The following NTM variants were observed in gnomAD, a reference collection of about 807,000 sequenced individuals.
The protein encoded by NTM is IgLON family member 2.
A neutral mutation model predicts 42.1 loss-of-function variants in NTM; 13 were observed. The observed-to-expected ratio is 0.31, with a 90% CI of 0.20 to 0.49. NTM has a LOEUF of 0.49. NTM is among the 20% of genes least tolerant of loss of function. The pLI, the probability that NTM is intolerant of heterozygous loss-of-function variation, is 0.99. For synonymous variants in NTM, 187 were observed against 179.2 expected, an observed-to-expected ratio of 1.04 and a Z score of -0.35; for missense variants, 373 against 452.8, an observed-to-expected ratio of 0.82 and a Z score of 1.60.
chr11:131,755,126 A>T (rs965446894), intron 1 of NTM, among the ~76,000 whole-genome samples: 1 of 152,206 alleles, frequency 6.6e-6, no homozygotes, highest in African/African-American at 2.4e-5. Context: ...GGTTACACAG[A>T]TGTAATATTC....
chr11:131,466,036 G>A (rs182563947), intron 1 of NTM, among the ~76,000 whole-genome samples: 19 of 152,222 alleles, frequency 1.2e-4, no homozygotes, highest in Admixed American at 9.2e-4. Flanking sequence ...TGTCTATGAG[G>A]AACCTACAAG....
At position 132,246,305 on chromosome 11, in the gene NTM, A is replaced by G. The variant is rs536013146; in HGVS notation, c.526+34158A>G. Among the ~76,000 whole-genome samples, 22 of 152,362 alleles carry G rather than the reference A, an allele frequency of 1.4e-4. No homozygotes were observed. The East Asian group carries it at 4.2e-3, about 29-fold the overall frequency. ...CGTGCGTGTGTGTCTCCACCGACAC[A>G]ATCGCACAGTGAAAGTCAAACAGTT... is the stretch of plus-strand genomic sequence containing the variant. On this transcript the variant is annotated intron_variant, in intron 4 of 8. Coordinates refer to ENST00000683400, the MANE Select transcript of NTM (RefSeq NM_001352005.2).
chr11:131,371,182 C>A, intron 1 of NTM: 1 of 774,156 alleles, frequency 1.3e-6, no homozygotes, highest in Non-Finnish European at 1.6e-6. Context: ...CATTCTTGCA[C>A]ACATACACAA....
chr11:131,410,517 C>CAAAAAAAAAA (rs1161389222), intron 1 of NTM, among the ~76,000 whole-genome samples: 8 of 32,764 alleles, frequency 2.4e-4, no homozygotes, highest in Admixed American at 4.6e-4. Context: ...AAACAATAAC[C>CAAAAAAAAAA]AAAAAAAAAA....
chr11:131,866,045 TACAC>T (rs757581864), intron 1 of NTM, among the ~76,000 whole-genome samples: 1 of 143,404 alleles, frequency 7.0e-6, no homozygotes, highest in African/African-American at 2.6e-5. Flanking sequence ...ACACACATGC[TACAC>T]ACACACTACA....
At chr11:132,110,049 G>C (rs1156444300) in intron 2 of NTM, among the ~76,000 whole-genome samples, 3 of 152,104 alleles carry the variant, frequency 2.0e-5, no homozygotes, top group African/African-American at 7.2e-5. Context: ...CCTTTCACTT[G>C]GGCTCAACTC....
intron 1 of NTM, among the ~76,000 whole-genome samples, chr11:131,518,225 G>A (rs773141857): frequency 5.9e-5 from 9 of 152,112 alleles, no homozygotes; most frequent in African/African-American, 1.2e-4. Context: ...ATTTGACAGC[G>A]AAACGGAGGC....
intron 1 of NTM, among the ~76,000 whole-genome samples, chr11:131,604,423 A>G (rs1284170253): frequency 6.6e-6 from 1 of 152,154 alleles, no homozygotes; most frequent in Non-Finnish European, 1.5e-5. Context: ...TATGTGGGAT[A>G]CTAGTCCTTT....
At chr11:131,545,572 G>A (rs114793675) in intron 1 of NTM, among the ~76,000 whole-genome samples, 405 of 152,212 alleles carry the variant, frequency 2.7e-3, no homozygotes, top group African/African-American at 9.3e-3. Context: ...TCTTTGCTAG[G>A]TTCTCAGAAT....
chr11:132,101,837 A>G (rs979755262), intron 2 of NTM, among the ~76,000 whole-genome samples: 1 of 152,184 alleles, frequency 6.6e-6, no homozygotes, highest in African/African-American at 2.4e-5. Context: ...TGCATCTTCA[A>G]ATCTTCCACA....
chr11:132,237,967 G>T (rs1003702930), intron 4 of NTM, among the ~76,000 whole-genome samples: 1 of 152,000 alleles, frequency 6.6e-6, no homozygotes, highest in African/African-American at 2.4e-5. Context: ...CATTATCACC[G>T]GAATATTACC....
chr11:131,704,745 C>T (rs536173811), intron 1 of NTM, among the ~76,000 whole-genome samples: 5 of 152,152 alleles, frequency 3.3e-5, no homozygotes, highest in Admixed American at 2.0e-4. Flanking sequence ...AGGAAAATAA[C>T]GCATGAACAA....
chr11:131,835,359 GA>G (rs936482963), intron 1 of NTM, among the ~76,000 whole-genome samples: 5 of 151,856 alleles, frequency 3.3e-5, no homozygotes, highest in African/African-American at 1.2e-4. Context: ...ATACGTATAT[GA>G]AAAAAGACTT....
intron 1 of NTM, among the ~76,000 whole-genome samples, chr11:131,810,850 G>A (rs1176727250): frequency 2.0e-5 from 3 of 152,162 alleles, no homozygotes; most frequent in Non-Finnish European, 2.9e-5. Flanking sequence ...TTTCCCTGCC[G>A]AAAAATAAAG....
chr11:132,097,809 A>G (rs547644044), intron 2 of NTM, among the ~76,000 whole-genome samples: 1 of 152,346 alleles, frequency 6.6e-6, no homozygotes, highest in African/African-American at 2.4e-5. Flanking sequence ...GACCTTTTCC[A>G]TAAAGGAGCC....
chr11:132,334,291 A>T (rs1555106441), intron 8 of NTM, among the ~76,000 whole-genome samples: 2 of 152,186 alleles, frequency 1.3e-5, no homozygotes, highest in Non-Finnish European at 2.9e-5. Context: ...CTCCATCTCC[A>T]TACACTGGGG....
At chr11:131,372,475 C>G (rs1478416526) in intron 1 of NTM, among the ~76,000 whole-genome samples, 1 of 151,992 alleles carries the variant, frequency 6.6e-6, no homozygotes, top group East Asian at 1.9e-4. Context: ...TGTGTGTGCA[C>G]CCCTGCTTGT....
chr11:132,280,644 C>A (rs1014060282), intron 4 of NTM, among the ~76,000 whole-genome samples: 2 of 151,988 alleles, frequency 1.3e-5, no homozygotes, highest in African/African-American at 2.4e-5. Flanking sequence ...TGCCACCACA[C>A]CCAGCTGATT....
chr11:131,711,526 G>A (rs1168058547), intron 1 of NTM, among the ~76,000 whole-genome samples: 1 of 152,216 alleles, frequency 6.6e-6, no homozygotes, highest in Non-Finnish European at 1.5e-5. Flanking sequence ...CTTTTACACT[G>A]TTGGTGGGAT....
Sources: gnomAD v4.1 joint callset for allele counts (sites outside exome capture counted in the v4.1 genomes callset) on GRCh38, gnomAD v4.1.1 for gene constraint, MANE v1.5 for transcripts, NCBI Gene and HGNC (gene_info 2026-07-23, HGNC 2026-07-21) for gene names.